The following IFNLR1 variants were observed in gnomAD, a reference collection of about 807,000 sequenced individuals.
IFNLR1 encodes the protein CRF2-12.
IFNLR1 carries 28 observed loss-of-function variants against 52.5 expected under a neutral mutation model. The observed-to-expected ratio is 0.53, with a 90% CI of 0.40 to 0.73. IFNLR1 has a LOEUF of 0.73. IFNLR1 is among the 30% of genes least tolerant of loss of function. The probability of loss-of-function intolerance (pLI) is 0.00; values close to 1 mark genes in which losing one functional copy is unlikely to be tolerated. For synonymous variants in IFNLR1, 276 were observed against 274.9 expected (o/e 1.00, Z -0.04); for missense variants, 623 against 659.1 (o/e 0.95, Z 0.60).
chr1:24,179,614 C>T (rs3893320), intron 2 of IFNLR1, among the ~76,000 whole-genome samples: 14,596 of 152,208 alleles, frequency 0.096, 1,925 homozygotes, highest in African/African-American at 0.3. Context: ...CCCGAGTTCC[C>T]CTTCTGGCTC....
At chr1:24,172,513 A>T (rs1254537216) in intron 2 of IFNLR1, among the ~76,000 whole-genome samples, 1 of 152,196 alleles carries the variant, frequency 6.6e-6, no homozygotes, top group Non-Finnish European at 1.5e-5. Context: ...AGAATAAATC[A>T]GAAGGAATAC....
intron 1 of IFNLR1, among the ~76,000 whole-genome samples, chr1:24,182,199 CAAAAAAAAA>C (rs60217046): frequency 7.5e-6 from 1 of 132,948 alleles, no homozygotes; most frequent in African/African-American, 2.8e-5. Context: ...GACTCCATTC[CAAAAAAAAA>C]AAAAAAAAAG....
chr1:24,162,915 C>T lies in IFNLR1; in HGVS notation c.368-1231G>A, dbSNP rs55763951. Among the ~76,000 whole-genome samples the T allele has an allele frequency of 4.3e-3, 358 of 82,838 alleles. 16 individuals are homozygous for T. The highest frequency in any genetic ancestry group is 0.015 in the African/African-American group (281 of 18,690). The allele number at this position is 82,838 out of a possible 152,430, so 54.3% of individuals were successfully genotyped here. ...TCCTTCCTTCCTTCCTTCCTTCCTTCCTTTTCTTTCTTTTCTTTCTTTCTC... is the reference window on the plus strand; with the variant it reads ...TCCTTCCTTCCTTCCTTCCTTCCTTTCTTTTCTTTCTTTTCTTTCTTTCTC... On this transcript the variant is annotated intron_variant, in intron 3 of 6. Coordinates refer to ENST00000327535, the MANE Select transcript of IFNLR1 (RefSeq NM_170743.4).
intron 2 of IFNLR1, among the ~76,000 whole-genome samples, chr1:24,174,868 CA>C (rs34158476): frequency 5.0e-4 from 71 of 142,758 alleles, no homozygotes; most frequent in Admixed American, 5.6e-4. Context: ...ATCCACATTG[CA>C]AAAAAAAAAA....
chr1:24,165,839 C>T (rs1468095415), intron 3 of IFNLR1, among the ~76,000 whole-genome samples: 5 of 152,130 alleles, frequency 3.3e-5, no homozygotes, highest in Non-Finnish European at 5.9e-5. Flanking sequence ...GGAGATGAGG[C>T]CTCCTTGTAT....
intron 2 of IFNLR1, 149 bp downstream of exon 2, chr1:24,180,582 T>C: frequency 2.8e-6 from 2 of 725,098 alleles, no homozygotes; most frequent in South Asian, 3.8e-5. Context: ...AAAGCCCCTC[T>C]CCAAATGCCG....
chr1:24,175,931 T>C (rs1644627638), intron 2 of IFNLR1, among the ~76,000 whole-genome samples: 1 of 125,384 alleles, frequency 8.0e-6, no homozygotes. Flanking sequence ...CAAAACTCTG[T>C]TTCAAAAAAA....
At chr1:24,159,210 A>C in intron 5 of IFNLR1, 28 bp from the exon 6 acceptor site, 5 of 1,613,340 alleles carry the variant, frequency 3.1e-6, no homozygotes, top group Non-Finnish European at 4.2e-6. Context: ...ACAATGAGAG[A>C]AACAACAATG....
rs1013199749 is a variant in IFNLR1, at chr1:24,156,128, T to C, written c.*1002A>G. ...CCTCCCCTGGGAAGCAGGGTTCCCA[T>C]TGCTAGGTGAAGGCGGAGAGACCAG... On this transcript the variant is annotated 3_prime_UTR_variant, in exon 7 of 7. Transcript: ENST00000327535. 5 of 152,000 alleles carry C rather than the reference T, an allele frequency of 3.3e-5. No homozygotes were observed. The highest frequency in any genetic ancestry group is 1.2e-4 in the African/African-American group (5 of 41,308). 9.4% of individuals were successfully genotyped at this position (152,000 alleles called of 1,614,324 possible).
At position 24,161,739 on chromosome 1, in the gene IFNLR1, T is replaced by A. The variant is rs1569634629; in HGVS notation, c.368-55A>T. 1.3e-5 allele frequency: 19 copies of A among 1,437,332 alleles called. No individual in the cohort carries two copies. In the East Asian group the frequency reaches 4.6e-4, roughly 35 times the overall value. 89.0% of individuals were successfully genotyped at this position (1,437,332 alleles called of 1,614,324 possible). On this transcript the variant is annotated intron_variant, in intron 3 of 6. Transcript: ENST00000327535. ...ATCCCGAGGGGCCGCACTGCCTCCA[T>A]CCCCCAAGACCAGAGAGCTCTCTTG...
Position 24,156,244 on chromosome 1 carries a change from A to AGG in IFNLR1, c.*885_*886insCC, listed in dbSNP as rs1317746144. Reference sequence around the variant, plus strand: ...GAAGGAAGGAGGTAGACTGGGGATGAGACAAGCTGAATGTTAAGTGCTCTC... The same window carrying AGG: ...GAAGGAAGGAGGTAGACTGGGGATGAGGGACAAGCTGAATGTTAAGTGCTCTC... On this transcript the variant is annotated 3_prime_UTR_variant, in exon 7 of 7. Coordinates refer to ENST00000327535, the MANE Select transcript of IFNLR1 (RefSeq NM_170743.4). The AGG allele has an allele frequency of 1.3e-5, 2 of 152,278 alleles. No individual in the cohort carries two copies. The highest frequency in any genetic ancestry group is 1.3e-4 in the Admixed American group (2 of 15,272). The allele number at this position is 152,278 out of a possible 1,614,324, so 9.4% of individuals were successfully genotyped here. A position where few individuals can be genotyped will look rare whatever the true frequency, so the allele number is the denominator to read the frequency against.
At chr1:24,161,311 T>A (rs1272749959) in intron 4 of IFNLR1, 2 of 604,092 alleles carry the variant, frequency 3.3e-6, no homozygotes, top group African/African-American at 1.9e-5. Flanking sequence ...TTAGAGCTTA[T>A]CTGTATTTTT....
Position 24,187,206 on chromosome 1 carries a change from G to C in IFNLR1, c.43C>G (p.Leu15Val), listed in dbSNP as rs1169570750. The C allele has an allele frequency of 7.5e-7, 1 of 1,331,046 alleles. No individual in the cohort carries two copies. Among genetic ancestry groups the C allele is most frequent in the Non-Finnish European group, 9.6e-7 (1 of 1,041,274 alleles). 82.5% of individuals were successfully genotyped at this position (1,331,046 alleles called of 1,614,324 possible). A position where few individuals can be genotyped will look rare whatever the true frequency, so the allele number is the denominator to read the frequency against. The change falls in exon 1 of 7, where the codon CTG becomes GTG. Residue 15 changes from leucine to valine, a missense_variant. Physicochemically the swap from Leu to Val is conservative, Grantham distance 32. Coordinates refer to ENST00000327535, the MANE Select transcript of IFNLR1 (RefSeq NM_170743.4). ...GCGCCCTTACCTGGAGCGGCCTGCA[G>C]CAGGCACAGGAGCAGGGGGCCCCAG... ...ERWGPLLLCL[L>V]QAAPGRPRLA...
chr1:24,159,617 G>C lies in IFNLR1; in HGVS notation c.527C>G (p.Thr176Ser). The change falls in exon 5 of 7, where the codon ACT becomes AGT. Residue 176 changes from threonine (T) to serine (S), a missense_variant. Thr to Ser is a moderately conservative substitution (Grantham distance 58). Coordinates refer to ENST00000327535, the MANE Select transcript of IFNLR1 (RefSeq NM_170743.4). The stretch of plus-strand genomic sequence containing the variant: ...GATCTGGACTGGCTGGCCATGGGGA[G>C]TGACTGGAAATAGGGTCTGTTTGGA... Reference protein sequence around the residue: ...GAGNKTLFPVTPHGQPVQITL... With the variant: ...GAGNKTLFPVSPHGQPVQITL... 6.2e-7 allele frequency: 1 copy of C among 1,614,096 alleles called. No individual in the cohort carries two copies. Among genetic ancestry groups the C allele is most frequent in the Non-Finnish European group, 8.5e-7 (1 of 1,180,012 alleles).
chr1:24,171,420 C>T (rs1259019857), intron 2 of IFNLR1, among the ~76,000 whole-genome samples: 1 of 152,186 alleles, frequency 6.6e-6, no homozygotes, highest in African/African-American at 2.4e-5. Flanking sequence ...TAAAGTATTT[C>T]TTCTGATTGC....
chr1:24,183,299 T>C (rs1644709331), intron 1 of IFNLR1, among the ~76,000 whole-genome samples: 1 of 151,186 alleles, frequency 6.6e-6, no homozygotes, highest in African/African-American at 2.4e-5. Flanking sequence ...TTTTTCCCCA[T>C]TAAAAAAAAA....
Position 24,155,914 on chromosome 1 carries a change from G to T in IFNLR1, c.*1216C>A, listed in dbSNP as rs1440956138. On this transcript the variant is annotated 3_prime_UTR_variant, in exon 7 of 7. Coordinates refer to ENST00000327535, the MANE Select transcript of IFNLR1 (RefSeq NM_170743.4). ...GCATCAGCACCCCCAGGTAAGGATA[G>T]TCACCTGAATCTAGAAGGCATTGGT... The T allele has an allele frequency of 1.3e-5, 2 of 152,234 alleles. No individual in the cohort carries two copies. The highest frequency in any genetic ancestry group is 4.8e-5 in the African/African-American group (2 of 41,454). 9.4% of individuals were successfully genotyped at this position (152,234 alleles called of 1,614,324 possible). A position where few individuals can be genotyped will look rare whatever the true frequency, so the allele number is the denominator to read the frequency against.
At chr1:24,174,866 T>C (rs1644616525) in intron 2 of IFNLR1, among the ~76,000 whole-genome samples, 1 of 149,018 alleles carries the variant, frequency 6.7e-6, no homozygotes, top group South Asian at 2.1e-4. Flanking sequence ...CTATCCACAT[T>C]GCAAAAAAAA....
At position 24,155,171 on chromosome 1, in the gene IFNLR1, G is replaced by GA. The variant is rs983455572; in HGVS notation, c.*1958dup. On this transcript the variant is annotated 3_prime_UTR_variant, in exon 7 of 7. Coordinates refer to ENST00000327535, the MANE Select transcript of IFNLR1 (RefSeq NM_170743.4). ...TCATCTGGACAAGCCTCACTGCAGG[G>GA]AAAACCCCTGGGGAGACACAGGTGT... is the stretch of plus-strand genomic sequence containing the variant. 83 of 150,480 alleles carry GA rather than the reference G, an allele frequency of 5.5e-4. No individual in the cohort carries two copies. The highest frequency in any genetic ancestry group is 1.9e-3 in the African/African-American group (79 of 40,924). The allele number at this position is 150,480 out of a possible 1,614,324, so 9.3% of individuals were successfully genotyped here.
Sources: gnomAD v4.1 joint callset for allele counts (sites outside exome capture counted in the v4.1 genomes callset) on GRCh38, gnomAD v4.1.1 for gene constraint, MANE v1.5 for transcripts, NCBI Gene and HGNC (gene_info 2026-07-23, HGNC 2026-07-21) for gene names.